Variants in KHDRBS2 observed in about 807,000 individuals in gnomAD.
KHDRBS2 encodes the protein KH domain-containing, RNA-binding, signal transduction-associated protein 2.
KHDRBS2 carries 26 observed loss-of-function variants against 44.3 expected under a neutral mutation model. The observed-to-expected ratio is 0.59, with a 90% CI of 0.43 to 0.81. The LOEUF is 0.81. Among genes scored for constraint, KHDRBS2 ranks in the 40% least tolerant of loss-of-function variants. The probability of loss-of-function intolerance (pLI) is 0.00; values close to 1 mark genes in which losing one functional copy is unlikely to be tolerated. For synonymous variants in KHDRBS2, 194 were observed against 151.1 expected, an observed-to-expected ratio of 1.28 and a Z score of -2.08; for missense variants, 476 against 433.1, an observed-to-expected ratio of 1.10 and a Z score of -0.88.
the KHDRBS2 span, among the ~76,000 whole-genome samples, chr6:61,573,759 A>G: frequency 6.6e-6 from 1 of 151,524 alleles, no homozygotes; most frequent in Non-Finnish European, 1.5e-5. Context: ...ACTGCACTCC[A>G]GCCTGGGCAA....
chr6:61,604,207 T>C, the KHDRBS2 span, among the ~76,000 whole-genome samples: 1 of 152,284 alleles, frequency 6.6e-6, no homozygotes, highest in East Asian at 1.9e-4. Context: ...CATCTATCAT[T>C]AATACCTCTT....
intron 4 of KHDRBS2, among the ~76,000 whole-genome samples, chr6:61,971,000 T>C (rs1771275725): frequency 6.6e-6 from 1 of 152,116 alleles, no homozygotes; most frequent in Non-Finnish European, 1.5e-5. Flanking sequence ...TTGAGACTCT[T>C]CTTATAGAAG....
chr6:61,543,881 T>C, the KHDRBS2 span, among the ~76,000 whole-genome samples: 2 of 152,030 alleles, frequency 1.3e-5, no homozygotes, highest in African/African-American at 4.8e-5. Context: ...TTCTCTTATT[T>C]GTGGGAGCTA....
chr6:62,155,683 CATGA>C (rs1816202061), intron 2 of KHDRBS2, among the ~76,000 whole-genome samples: 1 of 152,184 alleles, frequency 6.6e-6, no homozygotes, highest in Admixed American at 6.5e-5. Flanking sequence ...TTCTGTAACT[CATGA>C]ATACTATTTA....
intron 6 of KHDRBS2, among the ~76,000 whole-genome samples, chr6:61,859,358 T>C (rs773522959): frequency 1.3e-5 from 2 of 151,842 alleles, no homozygotes; most frequent in Non-Finnish European, 2.9e-5. Context: ...TCCCACAAAA[T>C]GTTAAAATCA....
chr6:62,148,396 T>C (rs1190956744), intron 2 of KHDRBS2, among the ~76,000 whole-genome samples: 3 of 152,018 alleles, frequency 2.0e-5, no homozygotes, highest in African/African-American at 7.2e-5. Flanking sequence ...AAGAAGCTCT[T>C]GAGTCTTAGA....
intron 7 of KHDRBS2, among the ~76,000 whole-genome samples, chr6:61,704,625 A>C (rs1769201088): frequency 6.6e-6 from 1 of 151,860 alleles, no homozygotes; most frequent in Non-Finnish European, 1.5e-5. Context: ...ATTTTATATT[A>C]GGAGCCATTG....
chr6:61,625,269 G>T, the KHDRBS2 span, among the ~76,000 whole-genome samples: 1 of 151,248 alleles, frequency 6.6e-6, no homozygotes, highest in Non-Finnish European at 1.5e-5. Context: ...AGATGGGGTT[G>T]TAATTTGTCT....
chr6:61,682,122 C>A (rs1483756975), intron 8 of KHDRBS2, among the ~76,000 whole-genome samples: 1 of 151,800 alleles, frequency 6.6e-6, no homozygotes, highest in East Asian at 1.9e-4. Flanking sequence ...AGGGCATTTG[C>A]CCCCAGATAG....
chr6:61,822,960 C>A lies in KHDRBS2; in HGVS notation c.810+71675G>T, dbSNP rs114733729. On this transcript the variant is annotated intron_variant, in intron 6 of 8. Coordinates refer to ENST00000281156, the MANE Select transcript of KHDRBS2 (RefSeq NM_152688.4). ...ACTCTATATTCCACCAGTTGGTCATCTCCATAAGGACAGGCACCATTCCTA... is the reference window on the plus strand; with the variant it reads ...ACTCTATATTCCACCAGTTGGTCATATCCATAAGGACAGGCACCATTCCTA... Among the ~76,000 whole-genome samples, 635 of 152,120 alleles carry A rather than the reference C, an allele frequency of 4.2e-3. 8 individuals are homozygous for A. Among genetic ancestry groups the A allele is most frequent in the African/African-American group, 0.015 (610 of 41,536 alleles).
At chr6:62,159,438 A>G (rs1487219498) in intron 2 of KHDRBS2, among the ~76,000 whole-genome samples, 1 of 152,102 alleles carries the variant, frequency 6.6e-6, no homozygotes, top group Non-Finnish European at 1.5e-5. Flanking sequence ...TGCAACTGTG[A>G]CAGGTCCCTG....
chr6:61,678,425 G>A (rs1429728692), downstream of KHDRBS2, among the ~76,000 whole-genome samples: 1 of 151,938 alleles, frequency 6.6e-6, no homozygotes. Flanking sequence ...GATAACTGGG[G>A]AAAATAATGG....
chr6:61,879,104 G>A (rs898177803), intron 6 of KHDRBS2, among the ~76,000 whole-genome samples: 4 of 151,854 alleles, frequency 2.6e-5, no homozygotes, highest in African/African-American at 9.7e-5. Flanking sequence ...CTGCCCTTCT[G>A]CCAAATTCCT....
chr6:62,014,725 A>G (rs1413434639), intron 3 of KHDRBS2, among the ~76,000 whole-genome samples: 1 of 152,168 alleles, frequency 6.6e-6, no homozygotes, highest in East Asian at 1.9e-4. Flanking sequence ...TTCTAGAGTT[A>G]TATCTTTCCT....
intron 1 of KHDRBS2, among the ~76,000 whole-genome samples, chr6:62,178,297 T>C (rs1251280537): frequency 1.3e-5 from 2 of 151,476 alleles, no homozygotes; most frequent in Non-Finnish European, 3.0e-5. Context: ...TGCTTGCTCT[T>C]GGAATAGAAG....
rs1253911246 is a variant in KHDRBS2 at position 61,680,044 on chromosome 6, T to G, written c.*919A>C. On this transcript the variant is annotated 3_prime_UTR_variant, in exon 9 of 9. Transcript: ENST00000281156. Reference sequence around the variant, plus strand: ...TAGTGTTTACTAACCATGATTCATGTAACAGTTTAGTTTGTTAACTTTTAA... The same window carrying G: ...TAGTGTTTACTAACCATGATTCATGGAACAGTTTAGTTTGTTAACTTTTAA... The G allele has an allele frequency of 6.6e-6, 1 of 152,168 alleles. No individual in the cohort carries two copies. Among genetic ancestry groups the G allele is most frequent in the Non-Finnish European group, 1.5e-5 (1 of 67,936 alleles). The allele number at this position is 152,168 out of a possible 1,614,324, so 9.4% of individuals were successfully genotyped here. A position where few individuals can be genotyped will look rare whatever the true frequency, so the allele number is the denominator to read the frequency against.
At chr6:62,090,105 G>A (rs1243511431) in intron 2 of KHDRBS2, among the ~76,000 whole-genome samples, 1 of 152,030 alleles carries the variant, frequency 6.6e-6, no homozygotes, top group Non-Finnish European at 1.5e-5. Flanking sequence ...GAGAGGTGAA[G>A]AAATGACAGT....
At chr6:61,755,677 G>C (rs1193091702) in intron 6 of KHDRBS2, among the ~76,000 whole-genome samples, 1 of 151,804 alleles carries the variant, frequency 6.6e-6, no homozygotes, top group Non-Finnish European at 1.5e-5. Context: ...CGGGTGTGGT[G>C]GTGTGTGCCT....
the KHDRBS2 span, among the ~76,000 whole-genome samples, chr6:61,580,167 T>A: frequency 6.6e-6 from 1 of 152,210 alleles, no homozygotes; most frequent in Non-Finnish European, 1.5e-5. Flanking sequence ...AAGTAAACTT[T>A]GACAACTAAT....
Sources: allele counts gnomAD v4.1 joint callset (sites outside exome capture counted in the v4.1 genomes callset), GRCh38; gene constraint gnomAD v4.1.1; transcripts MANE v1.5; gene names NCBI Gene and HGNC (gene_info 2026-07-23, HGNC 2026-07-21).